Variants in EPN2 observed in about 807,000 individuals in gnomAD.
EPN2 encodes the protein epsin-2.
Under a neutral mutation model 61.7 loss-of-function variants are expected in EPN2, and 34 were observed. The observed-to-expected ratio is 0.55, with a 90% CI of 0.42 to 0.73. EPN2 has a LOEUF of 0.73. Ranked by LOEUF, EPN2 falls within the 30% of genes least tolerant of loss-of-function variation. The pLI, the probability that EPN2 is intolerant of heterozygous loss-of-function variation, is 0.00. For missense variants in EPN2, 714 were observed against 839.2 expected (o/e 0.85, Z 1.84); for synonymous variants, 349 against 353.6 (o/e 0.99, Z 0.15).
At chr17:19,288,003 T>G (rs954095165) in intron 4 of EPN2, among the ~76,000 whole-genome samples, 3 of 152,224 alleles carry the variant, frequency 2.0e-5, no homozygotes, top group African/African-American at 7.2e-5. Flanking sequence ...CTGCTGTCAT[T>G]ATCTCCCAGT....
chr17:19,299,092 C>G (rs1018751441), intron 4 of EPN2, among the ~76,000 whole-genome samples: 1 of 152,170 alleles, frequency 6.6e-6, no homozygotes, highest in Admixed American at 6.5e-5. Context: ...GCTTTCCCCC[C>G]AGCAGTGAAG....
At chr17:19,293,079 T>G (rs973058509) in intron 4 of EPN2, among the ~76,000 whole-genome samples, 1 of 152,212 alleles carries the variant, frequency 6.6e-6, no homozygotes, top group Admixed American at 6.5e-5. Flanking sequence ...ATTATTTTTT[T>G]CTTTTTAAGA....
At chr17:19,250,269 A>G (rs2045000057) in intron 1 of EPN2, among the ~76,000 whole-genome samples, 1 of 151,474 alleles carries the variant, frequency 6.6e-6, no homozygotes, top group Non-Finnish European at 1.5e-5. Context: ...TAATTTTTGT[A>G]TTTTTTAATA....
chr17:19,283,338 T>C lies in EPN2; in HGVS notation c.219T>C (p.His73=), dbSNP rs777052359. The change falls in exon 3 of 11, where the codon CAT becomes CAC. Residue 73 remains histidine (H), a synonymous_variant. Coordinates refer to ENST00000314728, the MANE Select transcript of EPN2 (RefSeq NM_014964.5). This position sits in a 1 kb window ranked among gnomAD's most constrained non-coding sequence, Gnocchi z 7.0. ...ATGACCATGGCAAGAACTGGCGGCA[T>C]GTGTACAAGGCGCTGACCCTGCTGG... is the stretch of plus-strand genomic sequence containing the variant. ...RLNDHGKNWR[H]VYKALTLLDY... 1.2e-6 allele frequency: 2 copies of C among 1,614,022 alleles called. No individual in the cohort carries two copies. The highest frequency in any genetic ancestry group is 1.7e-6 in the Non-Finnish European group (2 of 1,179,980).
intron 1 of EPN2, among the ~76,000 whole-genome samples, chr17:19,277,888 C>T (rs1447175044): frequency 2.6e-5 from 4 of 151,940 alleles, no homozygotes; most frequent in Non-Finnish European, 4.4e-5. Context: ...CTGGCTAACA[C>T]GGTGAAACCT....
rs1907015215 is a variant in EPN2, at chr17:19,328,734, G to A, written c.1171G>A (p.Asp391Asn). The change falls in exon 8 of 11, where the codon GAC becomes AAC. Residue 391 changes from aspartate (D) to asparagine (N), a missense_variant. Physicochemically the swap from Asp to Asn is conservative, Grantham distance 23. Transcript: ENST00000314728. ...AGGTACCAAGCCAGCTGCCTCCATT[G>A]ACCCATGGGGGGTGCCCACTGGAGC... is the stretch of plus-strand genomic sequence containing the variant. ...SFGTKPAASIDPWGVPTGATV... is the reference protein window; with the variant it reads ...SFGTKPAASINPWGVPTGATV... 1 of 1,610,710 alleles carries A rather than the reference G, an allele frequency of 6.2e-7. No homozygotes were observed. The highest frequency in any genetic ancestry group is 8.5e-7 in the Non-Finnish European group (1 of 1,178,096).
rs569916587 is a variant in EPN2, at chr17:19,242,131, T to TG, written c.-294+4601dup. 4.6e-3 allele frequency among the ~76,000 whole-genome samples: 433 copies of TG among 94,600 alleles called. 19 individuals carry two copies. The East Asian group carries it at 0.25, about 55-fold the overall frequency. The allele number at this position is 94,600 out of a possible 152,430, so 62.1% of individuals were successfully genotyped here. ...GAGACACTAGATTTGGTGTTTGATC[T>TG]GAAAAAAAAAAAAAAAAAGCCTAGG... is the stretch of plus-strand genomic sequence containing the variant. On this transcript the variant is annotated intron_variant, in intron 1 of 10. Coordinates refer to ENST00000314728, the MANE Select transcript of EPN2 (RefSeq NM_014964.5).
At chr17:19,301,029 G>A (rs1283432600) in intron 4 of EPN2, among the ~76,000 whole-genome samples, 3 of 152,138 alleles carry the variant, frequency 2.0e-5, no homozygotes, top group African/African-American at 7.2e-5. Context: ...CGAGGACCAC[G>A]AGCAGCATAC....
At chr17:19,238,122 G>A (rs2044839095) in intron 1 of EPN2, among the ~76,000 whole-genome samples, 1 of 152,158 alleles carries the variant, frequency 6.6e-6, no homozygotes, top group Non-Finnish European at 1.5e-5. Flanking sequence ...CCACTCCCCA[G>A]CCCCCACTCC....
intron 1 of EPN2, among the ~76,000 whole-genome samples, chr17:19,281,745 C>T (rs1470859623): frequency 2.6e-5 from 4 of 152,086 alleles, no homozygotes; most frequent in African/African-American, 9.7e-5. Context: ...GGGGGGTGGA[C>T]AGCCAAGCAG....
intron 1 of EPN2, among the ~76,000 whole-genome samples, chr17:19,272,599 C>CGCAGCA (rs1261710841): frequency 3.3e-5 from 5 of 152,078 alleles, no homozygotes; most frequent in African/African-American, 1.2e-4. Context: ...ACAGAGCGGT[C>CGCAGCA]GCAGCATTGG....
intron 4 of EPN2, among the ~76,000 whole-genome samples, chr17:19,294,057 T>C (rs1483581036): frequency 1.3e-5 from 2 of 150,722 alleles, no homozygotes; most frequent in African/African-American, 4.9e-5. Context: ...ACCACTGTAC[T>C]CCAGCCTGGG....
chr17:19,253,567 ATTG>A (rs2045039562), intron 1 of EPN2, among the ~76,000 whole-genome samples: 1 of 151,856 alleles, frequency 6.6e-6, no homozygotes, highest in Non-Finnish European at 1.5e-5. Flanking sequence ...GGCCTGGCTA[ATTG>A]TTGTATTTTT....
intron 1 of EPN2, among the ~76,000 whole-genome samples, chr17:19,272,081 T>C (rs2045259985): frequency 6.6e-6 from 1 of 152,254 alleles, no homozygotes; most frequent in African/African-American, 2.4e-5. Flanking sequence ...AAAATTATGC[T>C]GATCAAATGG....
rs1408893410 is a variant in EPN2 at position 19,328,865 on chromosome 17, C to T, written c.1302C>T (p.Thr434=). ...CTGACGCGTGGGGCGCAGTCTCCAC[C>T]ACCAAGCCCGTGTCTGTCTCTGGTG... ...RASDAWGAVS[T]TKPVSVSGSF... Residue 434 remains threonine, a synonymous_variant, in exon 8 of 11, where the codon ACC becomes ACT. Transcript: ENST00000314728. 1.9e-6 allele frequency: 3 copies of T among 1,612,470 alleles called. No individual in the cohort carries two copies. Among genetic ancestry groups the T allele is most frequent in the South Asian group, 1.1e-5 (1 of 90,728 alleles).
At chr17:19,284,751 A>T (rs1219641324) in intron 3 of EPN2, among the ~76,000 whole-genome samples, 5 of 152,196 alleles carry the variant, frequency 3.3e-5, no homozygotes, top group African/African-American at 9.7e-5. Context: ...TTTCGATTTG[A>T]CATTGTACCG....
At chr17:19,317,836 CGA>C (rs1302895611) in intron 7 of EPN2, among the ~76,000 whole-genome samples, 2 of 152,158 alleles carry the variant, frequency 1.3e-5, no homozygotes, top group Non-Finnish European at 2.9e-5. Context: ...ATTGCCTCCC[CGA>C]GCCAGCAGGC....
At chr17:19,323,940 G>A (rs1217109355) in intron 7 of EPN2, among the ~76,000 whole-genome samples, 1 of 152,190 alleles carries the variant, frequency 6.6e-6, no homozygotes, top group Non-Finnish European at 1.5e-5. Context: ...AAACCAGATG[G>A]AAACTCAGAT....
At chr17:19,263,650 T>A (rs2045166955) in intron 1 of EPN2, among the ~76,000 whole-genome samples, 1 of 152,186 alleles carries the variant, frequency 6.6e-6, no homozygotes, top group Non-Finnish European at 1.5e-5. Flanking sequence ...ATGCCTGCCT[T>A]GCAAAAGTGC....
Sources: allele counts gnomAD v4.1 joint callset (sites outside exome capture counted in the v4.1 genomes callset), GRCh38; gene constraint gnomAD v4.1.1; non-coding constraint Gnocchi (gnomAD v3.1); transcripts MANE v1.5; gene names NCBI Gene and HGNC (gene_info 2026-07-23, HGNC 2026-07-21).